Variants in EXT1 observed in about 807,000 individuals in gnomAD.
The protein encoded by EXT1 is exostosin-1.
EXT1 carries 20 observed loss-of-function variants against 82.5 expected under a neutral mutation model. The ratio of observed to expected loss-of-function variants is 0.24; its 90% confidence interval spans 0.17 to 0.35. EXT1 has a LOEUF of 0.35. Ranked by LOEUF, EXT1 falls within the 10% of genes least tolerant of loss-of-function variation. The pLI, the probability that EXT1 is intolerant of heterozygous loss-of-function variation, is 1.00. For synonymous variants in EXT1, 348 were observed against 350.8 expected (o/e 0.99, Z 0.09); for missense variants, 757 against 936.5 (o/e 0.81, Z 2.50).
At position 118,001,928 on chromosome 8, in the gene EXT1, T is replaced by C. The variant is rs1359891117; in HGVS notation, c.962+108157A>G. 3.9e-5 allele frequency among the ~76,000 whole-genome samples: 6 copies of C among 152,320 alleles called. No individual in the cohort carries two copies. In the East Asian group the frequency reaches 9.6e-4, roughly 24 times the overall value. ...TCATAAGAAAAGATTTTATTAAAAT[T>C]TACTAATGCATCACAGCTATCTTAA... On this transcript the variant is annotated intron_variant, in intron 1 of 10. Coordinates refer to ENST00000378204, the MANE Select transcript of EXT1 (RefSeq NM_000127.3).
chr8:117,963,394 C>T (rs1054299071), intron 1 of EXT1, among the ~76,000 whole-genome samples: 9 of 152,174 alleles, frequency 5.9e-5, no homozygotes, highest in South Asian at 2.1e-4. Context: ...AATAAAACTC[C>T]ATGTCTTATT....
intron 1 of EXT1, among the ~76,000 whole-genome samples, chr8:118,038,060 A>G (rs1425122429): frequency 6.6e-6 from 1 of 152,022 alleles, no homozygotes; most frequent in African/African-American, 2.4e-5. Flanking sequence ...TCCTGACCAC[A>G]GGTGATTCAC....
intron 1 of EXT1, among the ~76,000 whole-genome samples, chr8:117,856,767 A>C (rs1426439178): frequency 6.6e-6 from 1 of 152,132 alleles, no homozygotes; most frequent in Admixed American, 6.5e-5. Flanking sequence ...TTTACAAAAC[A>C]ACAGACATGC....
chr8:117,984,345 G>A (rs1268968019), intron 1 of EXT1, among the ~76,000 whole-genome samples: 1 of 151,942 alleles, frequency 6.6e-6, no homozygotes, highest in African/African-American at 2.4e-5. Flanking sequence ...CTTGAACCTG[G>A]GGTGCAGGGT....
chr8:117,971,660 G>T (rs1162110279), intron 1 of EXT1, among the ~76,000 whole-genome samples: 1 of 152,024 alleles, frequency 6.6e-6, no homozygotes, highest in Non-Finnish European at 1.5e-5. Flanking sequence ...GGCGATGAAG[G>T]GCTAAAGAAT....
chr8:118,035,236 C>T (rs1563635741), intron 1 of EXT1, among the ~76,000 whole-genome samples: 1 of 152,100 alleles, frequency 6.6e-6, no homozygotes, highest in African/African-American at 2.4e-5. Flanking sequence ...TTGCTAGCCT[C>T]ACTCGCACAC....
intron 1 of EXT1, among the ~76,000 whole-genome samples, chr8:118,061,147 T>C (rs1248414832): frequency 1.3e-5 from 2 of 152,200 alleles, no homozygotes; most frequent in African/African-American, 2.4e-5. Context: ...TCCATCCTTA[T>C]TAGGGCACCA....
intron 1 of EXT1, among the ~76,000 whole-genome samples, chr8:118,030,240 G>GA (rs111388229): frequency 1.2e-3 from 151 of 122,372 alleles, no homozygotes; most frequent in South Asian, 2.0e-3. Context: ...CCCATACTTA[G>GA]AAAAAAAAAA....
chr8:117,967,431 T>C (rs371274077), intron 1 of EXT1, among the ~76,000 whole-genome samples: 7 of 152,348 alleles, frequency 4.6e-5, no homozygotes, highest in East Asian at 3.9e-4. Flanking sequence ...AAGCAGTCAT[T>C]AAATATTTTT....
chr8:117,816,396 C>A (rs1811820589), intron 7 of EXT1, among the ~76,000 whole-genome samples: 1 of 152,108 alleles, frequency 6.6e-6, no homozygotes, highest in Non-Finnish European at 1.5e-5. Context: ...ATTTAACCCT[C>A]AAAATGGGCC....
chr8:117,948,728 C>A (rs1362694303), intron 1 of EXT1, among the ~76,000 whole-genome samples: 1 of 152,220 alleles, frequency 6.6e-6, no homozygotes, highest in African/African-American at 2.4e-5. Flanking sequence ...TGGCTTGTAG[C>A]CAAAAATGGG....
intron 1 of EXT1, among the ~76,000 whole-genome samples, chr8:118,093,909 A>T (rs995894355): frequency 6.6e-6 from 1 of 152,254 alleles, no homozygotes; most frequent in Admixed American, 6.5e-5. Flanking sequence ...ATCCTCAAGA[A>T]GAAGCCATCA....
chr8:117,853,051 T>C (rs1194936238), intron 1 of EXT1, among the ~76,000 whole-genome samples: 1 of 152,192 alleles, frequency 6.6e-6, no homozygotes, highest in East Asian at 1.9e-4. Context: ...GGGTTCAGAA[T>C]GCAGTGCTTT....
At chr8:117,991,472 A>G (rs991881553) in intron 1 of EXT1, among the ~76,000 whole-genome samples, 1 of 152,172 alleles carries the variant, frequency 6.6e-6, no homozygotes, top group African/African-American at 2.4e-5. Context: ...AGCCCTTAAT[A>G]AAATCCCATG....
At chr8:117,921,941 C>T (rs943404140) in intron 1 of EXT1, among the ~76,000 whole-genome samples, 1 of 151,690 alleles carries the variant, frequency 6.6e-6, no homozygotes, top group Non-Finnish European at 1.5e-5. Context: ...ACAGACTCTG[C>T]AATGGATTAT....
At position 117,894,492 on chromosome 8, in the gene EXT1, C is replaced by T. The variant is rs10086684; in HGVS notation, c.963-57291G>A. Among the ~76,000 whole-genome samples, 444 of 152,266 alleles carry T rather than the reference C, an allele frequency of 2.9e-3. 3 individuals are homozygous for T. The highest frequency in any genetic ancestry group is 4.4e-3 in the Admixed American group (67 of 15,298). ...CGCTGTTATAATGAACAGAATCAGT[C>T]CAAAGAGAAAACAATGAAAACGACA... is the stretch of plus-strand genomic sequence containing the variant. On this transcript the variant is annotated intron_variant, in intron 1 of 10. Coordinates refer to ENST00000378204, the MANE Select transcript of EXT1 (RefSeq NM_000127.3).
intron 1 of EXT1, among the ~76,000 whole-genome samples, chr8:117,899,609 G>A (rs10088632): frequency 0.05 from 7,608 of 152,202 alleles, 640 homozygotes; most frequent in African/African-American, 0.17. Flanking sequence ...ACAAGCATTC[G>A]GAGGCAGCTT....
At chr8:117,889,022 G>A (rs13251971) in intron 1 of EXT1, among the ~76,000 whole-genome samples, 72,334 of 152,024 alleles carry the variant, frequency 0.48, 18,203 homozygotes, top group Middle Eastern at 0.61. Flanking sequence ...AGCTCCTGCA[G>A]CCACGTAAGA....
chr8:117,857,912 T>C (rs12541615), intron 1 of EXT1, among the ~76,000 whole-genome samples: 22,231 of 152,096 alleles, frequency 0.15, 2,131 homozygotes, highest in Non-Finnish European at 0.19. Flanking sequence ...AACAGGAGTT[T>C]GGAAGAAGCT....
Sources: gnomAD v4.1 joint callset for allele counts (sites outside exome capture counted in the v4.1 genomes callset) on GRCh38, gnomAD v4.1.1 for gene constraint, MANE v1.5 for transcripts, NCBI Gene and HGNC (gene_info 2026-07-23, HGNC 2026-07-21) for gene names.